Variants in GRM1 observed in about 807,000 individuals in gnomAD.
GRM1 encodes the protein glutamate metabotropic receptor 1, also known as metabotropic glutamate receptor 1.
GRM1 carries 33 observed loss-of-function variants against 90.9 expected under a neutral mutation model. That is an observed-to-expected ratio of 0.36 (90% confidence interval 0.28 to 0.49). The LOEUF is 0.49. Among genes scored for constraint, GRM1 ranks in the 20% least tolerant of loss-of-function variants. The probability of loss-of-function intolerance (pLI) is 0.99; values close to 1 mark genes in which losing one functional copy is unlikely to be tolerated. For synonymous variants in GRM1, 700 were observed against 613.2 expected (o/e 1.14, Z -2.09); for missense variants, 1,190 against 1,534.3 (o/e 0.78, Z 3.75).
chr6:146,414,292 T>G (rs1777681447), intron 7 of GRM1, among the ~76,000 whole-genome samples: 3 of 151,938 alleles, frequency 2.0e-5, no homozygotes, highest in Admixed American at 6.6e-5. Context: ...TGAGAGTCTT[T>G]TTATGTGTTT....
rs1335869524 is a variant in GRM1, at chr6:146,159,551, G to T, written c.904G>T (p.Ala302Ser). The T allele has an allele frequency of 6.2e-7, 1 of 1,613,990 alleles. No individual in the cohort carries two copies. The highest frequency in any genetic ancestry group is 2.2e-5 in the East Asian group (1 of 44,888). The change falls in exon 2 of 8, where the codon GCC becomes TCC. Residue 302 changes from alanine (A) to serine (S), a missense_variant. Transcript: ENST00000282753. ...EGMTVRGLLSAMRRLGVVGEF... is the reference protein window; with the variant it reads ...EGMTVRGLLSSMRRLGVVGEF... ...CATGACAGTGCGAGGACTCCTGAGCGCCATGCGGCGCCTTGGCGTCGTGGG... is the reference window on the plus strand; with the variant it reads ...CATGACAGTGCGAGGACTCCTGAGCTCCATGCGGCGCCTTGGCGTCGTGGG...
chr6:146,388,549 C>T (rs1233134596), intron 6 of GRM1, among the ~76,000 whole-genome samples: 1 of 152,024 alleles, frequency 6.6e-6, no homozygotes, highest in African/African-American at 2.4e-5. Flanking sequence ...AACTGAGCAG[C>T]AGAAAGCTTT....
intron 2 of GRM1, among the ~76,000 whole-genome samples, chr6:146,203,297 A>T (rs117897833): frequency 0.012 from 1,799 of 152,268 alleles, 74 homozygotes; most frequent in East Asian, 0.082. Context: ...GTCATGTAAC[A>T]GTCTGATGAA....
intron 5 of GRM1, among the ~76,000 whole-genome samples, chr6:146,372,483 C>A (rs189671457): frequency 1.3e-5 from 2 of 152,092 alleles, no homozygotes; most frequent in African/African-American, 4.8e-5. Flanking sequence ...TCCCATTTGT[C>A]CATTTTTGCT....
At position 146,422,262 on chromosome 6, in the gene GRM1, A is replaced by G. The variant is rs988954556; in HGVS notation, c.2661-11610A>G. On this transcript the variant is annotated intron_variant, in intron 7 of 7. Coordinates refer to ENST00000282753, the MANE Select transcript of GRM1 (RefSeq NM_001278064.2). ...TCAAAGTCACTGTTACCCAAATAAA[A>G]AAGTCTGGAAGAGAGAGAAAATAAA... Among the ~76,000 whole-genome samples the G allele has an allele frequency of 3.3e-5, 5 of 152,338 alleles. No individual in the cohort carries two copies. In the East Asian group the frequency reaches 9.6e-4, roughly 29 times the overall value.
chr6:146,253,093 TA>T (rs1213025677), intron 2 of GRM1, among the ~76,000 whole-genome samples: 53 of 152,192 alleles, frequency 3.5e-4, no homozygotes, highest in African/African-American at 1.2e-3. Context: ...GATATTAAAA[TA>T]AAAATATTAG....
chr6:146,191,850 C>T lies in GRM1; in HGVS notation c.950+32253C>T, dbSNP rs542101515. Among the ~76,000 whole-genome samples, 9 of 152,244 alleles carry T rather than the reference C, an allele frequency of 5.9e-5. No homozygotes were observed. In the East Asian group the frequency reaches 1.7e-3, roughly 29 times the overall value. ...CTGTCAGTCAATCTCTGGTCCGTGA[C>T]AGATTAACTTTGACAAGTTTTTGTG... On this transcript the variant is annotated intron_variant, in intron 2 of 7. Coordinates refer to ENST00000282753, the MANE Select transcript of GRM1 (RefSeq NM_001278064.2).
At chr6:146,269,874 A>G (rs1295449071) in intron 2 of GRM1, among the ~76,000 whole-genome samples, 2 of 152,078 alleles carry the variant, frequency 1.3e-5, no homozygotes, top group African/African-American at 4.8e-5. Context: ...AAAAATGACC[A>G]GGATGGTGAG....
chr6:146,032,772 G>A (rs917193315), intron 1 of GRM1, among the ~76,000 whole-genome samples: 8 of 152,018 alleles, frequency 5.3e-5, no homozygotes, highest in African/African-American at 1.4e-4. Flanking sequence ...CATTATCATC[G>A]TTTCTTGTAT....
Position 146,310,881 on chromosome 6 carries a change from G to A in GRM1, c.1186+6035G>A, listed in dbSNP as rs376291165. On this transcript the variant is annotated intron_variant, in intron 3 of 7. Transcript: ENST00000282753. ...TGAGATGAGTTATGTCCAACTCAGAGCAGCAGAACTTCCTAGTTGACTCCT... is the reference window on the plus strand; with the variant it reads ...TGAGATGAGTTATGTCCAACTCAGAACAGCAGAACTTCCTAGTTGACTCCT... Among the ~76,000 whole-genome samples, 23 of 152,186 alleles carry A rather than the reference G, an allele frequency of 1.5e-4. No homozygotes were observed. The East Asian group carries it at 1.5e-3, about 10-fold the overall frequency.
intron 3 of GRM1, among the ~76,000 whole-genome samples, chr6:146,329,999 A>T (rs1026399754): frequency 2.0e-4 from 30 of 152,218 alleles, no homozygotes; most frequent in African/African-American, 7.2e-4. Flanking sequence ...GTTCTTACTG[A>T]CAGGCCTAAC....
At chr6:146,261,272 T>G (rs1781686450) in intron 2 of GRM1, among the ~76,000 whole-genome samples, 1 of 152,110 alleles carries the variant, frequency 6.6e-6, no homozygotes, top group African/African-American at 2.4e-5. Flanking sequence ...GTGGGTGTTA[T>G]GCAATGGGGA....
intron 1 of GRM1, among the ~76,000 whole-genome samples, chr6:146,072,693 G>C (rs1776054284): frequency 6.6e-6 from 1 of 152,118 alleles, no homozygotes; most frequent in Non-Finnish European, 1.5e-5. Flanking sequence ...ATGCCAGATA[G>C]AGGAAGGAAG....
intron 1 of GRM1, among the ~76,000 whole-genome samples, chr6:146,136,094 G>C (rs548083779): frequency 3.3e-4 from 50 of 152,232 alleles, no homozygotes; most frequent in Non-Finnish European, 5.4e-4. Context: ...CATTCATGTT[G>C]TTGGAAATGA....
chr6:146,334,483 C>T (rs1372556820), intron 3 of GRM1, among the ~76,000 whole-genome samples: 3 of 152,224 alleles, frequency 2.0e-5, no homozygotes, highest in Non-Finnish European at 2.9e-5. Flanking sequence ...TAATGGTCTT[C>T]TGCATGGGCA....
chr6:146,389,157 G>A (rs1776620348), intron 6 of GRM1, among the ~76,000 whole-genome samples: 2 of 151,988 alleles, frequency 1.3e-5, no homozygotes, highest in Admixed American at 1.3e-4. Flanking sequence ...TTTGAGAGCT[G>A]GGGTTTACTG....
At chr6:146,162,012 A>G (rs988133344) in intron 2 of GRM1, among the ~76,000 whole-genome samples, 2 of 152,290 alleles carry the variant, frequency 1.3e-5, no homozygotes, top group African/African-American at 2.4e-5. Context: ...GTCAATGGAC[A>G]TGTGGGCTTG....
intron 1 of GRM1, among the ~76,000 whole-genome samples, chr6:146,051,815 T>C (rs1386851622): frequency 4.6e-5 from 7 of 152,086 alleles, no homozygotes; most frequent in African/African-American, 9.7e-5. Context: ...TCACTACTGT[T>C]TCCCAAGCAC....
intron 1 of GRM1, among the ~76,000 whole-genome samples, chr6:146,042,489 C>A (rs1253438818): frequency 6.6e-6 from 1 of 151,946 alleles, no homozygotes; most frequent in South Asian, 2.1e-4. Flanking sequence ...TGCTGAGGAG[C>A]CACGACAAAG....
Sources: gnomAD v4.1 joint callset for allele counts (sites outside exome capture counted in the v4.1 genomes callset) on GRCh38, gnomAD v4.1.1 for gene constraint, MANE v1.5 for transcripts, NCBI Gene and HGNC (gene_info 2026-07-23, HGNC 2026-07-21) for gene names.